Variants in CLVS1 observed in about 807,000 individuals in gnomAD.
CLVS1 encodes clavesin-1.
Under a neutral mutation model 33.1 loss-of-function variants are expected in CLVS1, and 10 were observed. That is an observed-to-expected ratio of 0.30 (90% CI 0.19 to 0.51). The LOEUF is 0.51. Ranked by LOEUF, CLVS1 falls within the 20% of genes least tolerant of loss-of-function variation. The pLI is 0.97. For synonymous variants in CLVS1, 163 were observed against 166.1 expected (o/e 0.98, Z 0.14); for missense variants, 343 against 433.4 (o/e 0.79, Z 1.85).
At chr8:61,359,783 T>C (rs1404774531) in intron 2 of CLVS1, among the ~76,000 whole-genome samples, 4 of 152,232 alleles carry the variant, frequency 2.6e-5, no homozygotes, top group Admixed American at 1.3e-4. Flanking sequence ...ATAGTTAACC[T>C]ATGGGAAAAC....
chr8:61,027,912 TTTA>T, the CLVS1 span, among the ~76,000 whole-genome samples: 1 of 152,368 alleles, frequency 6.6e-6, no homozygotes, highest in South Asian at 2.1e-4. Flanking sequence ...CATGATTTTG[TTTA>T]TTGGTGAATC....
the CLVS1 span, among the ~76,000 whole-genome samples, chr8:61,040,694 G>T: frequency 6.6e-6 from 1 of 151,842 alleles, no homozygotes; most frequent in Admixed American, 6.6e-5. Context: ...TTATCTTGTT[G>T]AGTTGTTTTG....
intron 1 of CLVS1, among the ~76,000 whole-genome samples, chr8:61,068,538 C>A (rs1206586658): frequency 6.6e-6 from 1 of 152,010 alleles, no homozygotes; most frequent in East Asian, 1.9e-4. Flanking sequence ...TATTTATAGC[C>A]TCCCCCGACT....
At chr8:61,482,552 G>C (rs560804653) in intron 5 of CLVS1, among the ~76,000 whole-genome samples, 1 of 152,184 alleles carries the variant, frequency 6.6e-6, no homozygotes, top group African/African-American at 2.4e-5. Context: ...AGAACTACAC[G>C]ACACATGCAC....
intron 2 of CLVS1, among the ~76,000 whole-genome samples, chr8:61,198,616 G>A (rs763071671): frequency 3.9e-4 from 60 of 152,280 alleles, no homozygotes; most frequent in Non-Finnish European, 7.8e-4. Flanking sequence ...CTGACCTCAA[G>A]TGATCCACCC....
chr8:61,299,143 G>T (rs1305205437), intron 1 of CLVS1, among the ~76,000 whole-genome samples: 1 of 152,168 alleles, frequency 6.6e-6, no homozygotes, highest in East Asian at 1.9e-4. Context: ...ATGAACACTG[G>T]CGGGGTTAAA....
At chr8:61,178,696 C>A (rs1403064895) in intron 2 of CLVS1, among the ~76,000 whole-genome samples, 3 of 152,182 alleles carry the variant, frequency 2.0e-5, no homozygotes, top group African/African-American at 7.2e-5. Context: ...CAATATTCAA[C>A]ATTCTTAAAG....
In CLVS1 at chr8:61,302,458, C is replaced by T. The variant is rs3889918; in HGVS notation, c.455+2176C>T. 6.5e-3 allele frequency among the ~76,000 whole-genome samples: 994 copies of T among 152,232 alleles called. 26 individuals carry two copies. The highest frequency in any genetic ancestry group is 0.049 in the Admixed American group (752 of 15,278). Reference sequence around the variant, plus strand: ...GCTTGTCTTAGGGCACTGAGGACAGCGATGAGAACATACAATCCCTGCCGG... The same window carrying T: ...GCTTGTCTTAGGGCACTGAGGACAGTGATGAGAACATACAATCCCTGCCGG... On this transcript the variant is annotated intron_variant, in intron 2 of 5. Transcript: ENST00000325897.
intron 2 of CLVS1, among the ~76,000 whole-genome samples, chr8:61,241,773 A>G (rs1221898399): frequency 2.0e-5 from 3 of 152,202 alleles, no homozygotes; most frequent in African/African-American, 7.2e-5. Flanking sequence ...TTTTATTTCT[A>G]AGATCTGAGT....
Position 61,452,532 on chromosome 8 carries a change from C to T in CLVS1, c.631-1609C>T, listed in dbSNP as rs566601198. Among the ~76,000 whole-genome samples the T allele has an allele frequency of 3.8e-4, 58 of 152,156 alleles. 1 individual carries two copies. In the South Asian group the frequency reaches 0.012, roughly 32 times the overall value. Reference sequence around the variant, plus strand: ...GCGCTTATTATAAAGGAAACACTTTCGGGAATGGTCTCTTTTTTTAAGGAA... The same window carrying T: ...GCGCTTATTATAAAGGAAACACTTTTGGGAATGGTCTCTTTTTTTAAGGAA... On this transcript the variant is annotated intron_variant, in intron 3 of 5. Coordinates refer to ENST00000325897, the MANE Select transcript of CLVS1 (RefSeq NM_173519.3).
At chr8:61,436,871 T>C (rs775178750) in intron 3 of CLVS1, among the ~76,000 whole-genome samples, 8 of 152,270 alleles carry the variant, frequency 5.3e-5, no homozygotes, top group East Asian at 3.9e-4. Context: ...AGAAAAGGCA[T>C]ACAAATTTAC....
At chr8:60,981,415 A>G in the CLVS1 span, among the ~76,000 whole-genome samples, 2 of 152,250 alleles carry the variant, frequency 1.3e-5, no homozygotes, top group Non-Finnish European at 2.9e-5. Context: ...TGTGAAAGAT[A>G]TCAGCATGTT....
At chr8:61,375,365 C>T (rs1813602595) in intron 2 of CLVS1, among the ~76,000 whole-genome samples, 1 of 151,810 alleles carries the variant, frequency 6.6e-6, no homozygotes. Context: ...ATTCTCCTGC[C>T]TCAGCCTCCC....
intron 5 of CLVS1, among the ~76,000 whole-genome samples, chr8:61,480,485 C>G (rs755314052): frequency 6.6e-6 from 1 of 152,152 alleles, no homozygotes. Flanking sequence ...GTCTGTCACC[C>G]CTTTCTTTGA....
At chr8:61,162,474 A>G (rs1412833118) in intron 2 of CLVS1, among the ~76,000 whole-genome samples, 1 of 152,126 alleles carries the variant, frequency 6.6e-6, no homozygotes, top group African/African-American at 2.4e-5. Context: ...GGACTGAAAA[A>G]CCAGCAAAAA....
At chr8:61,228,856 A>C (rs1361362360) in intron 2 of CLVS1, among the ~76,000 whole-genome samples, 4 of 152,204 alleles carry the variant, frequency 2.6e-5, no homozygotes, top group Non-Finnish European at 5.9e-5. Flanking sequence ...CAATAGCATA[A>C]GTGTGCAGAC....
chr8:61,003,161 C>A, the CLVS1 span, among the ~76,000 whole-genome samples: 3 of 152,186 alleles, frequency 2.0e-5, no homozygotes, highest in Non-Finnish European at 4.4e-5. Context: ...TTGGGTCCTG[C>A]TCCAAACATT....
At chr8:61,008,541 A>G in the CLVS1 span, among the ~76,000 whole-genome samples, 8 of 150,316 alleles carry the variant, frequency 5.3e-5, no homozygotes, top group East Asian at 1.6e-3. Flanking sequence ...ATCATAGCTC[A>G]CTGCAGCCTC....
At chr8:61,368,613 C>T (rs1005423985) in intron 2 of CLVS1, among the ~76,000 whole-genome samples, 13 of 152,272 alleles carry the variant, frequency 8.5e-5, no homozygotes, top group Admixed American at 7.2e-4. Flanking sequence ...TTTGCAATGA[C>T]TCTAGCTGTT....
Sources: allele counts gnomAD v4.1 joint callset (sites outside exome capture counted in the v4.1 genomes callset), GRCh38; gene constraint gnomAD v4.1.1; transcripts MANE v1.5; gene names NCBI Gene and HGNC (gene_info 2026-07-23, HGNC 2026-07-21).